The following DNAH8 variants were observed in gnomAD, a reference collection of about 807,000 sequenced individuals.
DNAH8 encodes the protein dynein axonemal heavy chain 8.
In DNAH8, 382 loss-of-function variants were observed where a neutral mutation model predicts 562.1. The ratio of observed to expected loss-of-function variants is 0.68; its 90% CI spans 0.63 to 0.74. DNAH8 has a LOEUF of 0.74. Ranked by LOEUF, DNAH8 falls within the 30% of genes least tolerant of loss-of-function variation. DNAH8 has a pLI of 0.00. For synonymous variants in DNAH8, 1,881 were observed against 1,919.4 expected, an observed-to-expected ratio of 0.98 and a Z score of 0.52; for missense variants, 5,203 against 5,620.4, an observed-to-expected ratio of 0.93 and a Z score of 2.37.
chr6:38,787,969 A>G (rs750727171), intron 18 of DNAH8, among the ~76,000 whole-genome samples: 71 of 152,152 alleles, frequency 4.7e-4, no homozygotes, highest in Non-Finnish European at 9.3e-4. Flanking sequence ...CAGTACAATT[A>G]GTAATAGCAA....
intron 24 of DNAH8, among the ~76,000 whole-genome samples, chr6:38,809,035 C>T (rs113984387): frequency 0.13 from 19,172 of 151,466 alleles, 1,453 homozygotes; most frequent in Admixed American, 0.22. Flanking sequence ...CATGTGTATA[C>T]CTATGTAACA....
rs1769746553 is a variant in DNAH8, at chr6:38,791,563, C to G, written c.2790C>G (p.Asp930Glu). 2.5e-6 allele frequency: 4 copies of G among 1,609,440 alleles called. No individual in the cohort carries two copies. In the East Asian group the frequency reaches 8.9e-5, roughly 36 times the overall value. Residue 930 changes from aspartate to glutamate, a missense_variant, in exon 21 of 93, where the codon GAC (aspartate) becomes GAG (glutamate). This residue lies in a region of DNAH8 where 2,176 missense variants were observed against 2,365.1 expected (regional missense o/e 0.92). Transcript: ENST00000327475. ...MFNQLLKKIS[D>E]LCEMHIDTVL... ...ATTTTTCTTCCTTGTAGATCAGTGA[C>G]TTGTGTGAAATGCATATTGATACAG...
chr6:38,965,065 AAAAATAAAAT>A (rs140369493), intron 82 of DNAH8, among the ~76,000 whole-genome samples: 10,027 of 144,522 alleles, frequency 0.069, 539 homozygotes, highest in African/African-American at 0.13. Context: ...TTCTGTCTCA[AAAAATAAAAT>A]AAAATAAAAT....
chr6:38,821,693 G>A (rs1401121511), intron 26 of DNAH8, among the ~76,000 whole-genome samples: 2 of 152,040 alleles, frequency 1.3e-5, no homozygotes, highest in Admixed American at 1.3e-4. Context: ...CCTCCAAGTA[G>A]ATGGGACTAC....
intron 88 of DNAH8, among the ~76,000 whole-genome samples, chr6:39,000,882 G>C (rs1765439328): frequency 6.6e-6 from 1 of 152,180 alleles, no homozygotes. Flanking sequence ...ATGTGCAGGA[G>C]TTTCTCAGAT....
intron 26 of DNAH8, among the ~76,000 whole-genome samples, chr6:38,819,469 A>G (rs144336487): frequency 7.2e-5 from 11 of 152,298 alleles, no homozygotes; most frequent in African/African-American, 2.6e-4. Flanking sequence ...CTGTAAGTAT[A>G]TTTCACTTAC....
At chr6:38,971,554 T>G in intron 82 of DNAH8, 38 bp from the exon 83 acceptor site, 1 of 1,272,296 alleles carries the variant, frequency 7.9e-7, no homozygotes, top group Admixed American at 2.3e-5. Context: ...GCTGTAAGAG[T>G]TGTGTTTCAT....
chr6:38,911,709 A>G, intron 66 of DNAH8, 123 bp downstream of exon 66: 2 of 674,954 alleles, frequency 3.0e-6, no homozygotes, highest in East Asian at 2.8e-5. Context: ...GTAGTAGATA[A>G]TTTTAAAGGA....
In DNAH8 at chr6:38,729,453, G is replaced by A. The variant is rs76852360; in HGVS notation, c.526-449G>A. On this transcript the variant is annotated intron_variant, in intron 3 of 92. Transcript: ENST00000327475. ...TGGAAGAATCTCAGTATGATAATGTGTTTTTACTTCAGTTTGGTACAATAC... is the reference window on the plus strand; with the variant it reads ...TGGAAGAATCTCAGTATGATAATGTATTTTTACTTCAGTTTGGTACAATAC... Among the ~76,000 whole-genome samples the A allele has an allele frequency of 1.9e-3, 291 of 152,284 alleles. 3 individuals carry two copies. Among genetic ancestry groups the A allele is most frequent in the African/African-American group, 6.8e-3 (282 of 41,560 alleles).
chr6:39,018,764 T>C (rs1254223980), intron 91 of DNAH8, among the ~76,000 whole-genome samples: 1 of 152,074 alleles, frequency 6.6e-6, no homozygotes, highest in Non-Finnish European at 1.5e-5. Context: ...CATGGTGTCA[T>C]GGAAGGCAAG....
chr6:38,885,237 CCAACACCTG>C (rs1330525486), intron 56 of DNAH8, among the ~76,000 whole-genome samples: 2 of 152,104 alleles, frequency 1.3e-5, no homozygotes, highest in Non-Finnish European at 2.9e-5. Flanking sequence ...CTTAACACCT[CCAACACCTG>C]CTCCTCCAAC....
intron 8 of DNAH8, among the ~76,000 whole-genome samples, chr6:38,748,643 C>G (rs1452234063): frequency 6.6e-6 from 1 of 151,854 alleles, no homozygotes; most frequent in Non-Finnish European, 1.5e-5. Flanking sequence ...AATCCCAGCA[C>G]TTTGCGAGGC....
chr6:39,018,788 G>T (rs1197925889), intron 91 of DNAH8, among the ~76,000 whole-genome samples: 1 of 152,162 alleles, frequency 6.6e-6, no homozygotes, highest in African/African-American at 2.4e-5. Flanking sequence ...AAGGAGAGTA[G>T]TAAGTAAGTA....
In DNAH8 at chr6:38,839,439, G is replaced by A. The variant is rs1255354803; in HGVS notation, c.4466+1397G>A. 2.6e-5 allele frequency among the ~76,000 whole-genome samples: 4 copies of A among 151,182 alleles called. No individual in the cohort carries two copies. In the East Asian group the frequency reaches 7.7e-4, roughly 29 times the overall value. On this transcript the variant is annotated intron_variant, in intron 33 of 92. Coordinates refer to ENST00000327475, the MANE Select transcript of DNAH8 (RefSeq NM_001206927.2). ...CTGGAGTGTAGTGGTGGAATCACTC[G>A]ACTTCCGTAGTTCAAGTGATCCTCC... is the stretch of plus-strand genomic sequence containing the variant.
chr6:38,826,434 T>A, intron 29 of DNAH8, 43 bp downstream of exon 29: 1 of 1,311,674 alleles, frequency 7.6e-7, no homozygotes, highest in Non-Finnish European at 1.1e-6. Flanking sequence ...TGCTTTTTTG[T>A]TTTTTAAAGA....
intron 83 of DNAH8, among the ~76,000 whole-genome samples, chr6:38,972,758 A>G (rs1030855447): frequency 1.3e-5 from 2 of 152,194 alleles, no homozygotes; most frequent in African/African-American, 4.8e-5. Context: ...GAGGGACACC[A>G]TGTTTAGCAT....
intron 8 of DNAH8, among the ~76,000 whole-genome samples, chr6:38,745,012 G>A (rs1764813269): frequency 6.6e-6 from 1 of 152,182 alleles, no homozygotes; most frequent in South Asian, 2.1e-4. Flanking sequence ...TGAAAAGAAT[G>A]CAAGGCCCAT....
chr6:38,759,723 C>T (rs78931935), intron 10 of DNAH8, among the ~76,000 whole-genome samples: 3,434 of 152,096 alleles, frequency 0.023, 119 homozygotes, highest in African/African-American at 0.076. Context: ...GGTTTTCATT[C>T]CCCCCAACCC....
At chr6:38,808,523 A>G (rs568519376) in intron 24 of DNAH8, among the ~76,000 whole-genome samples, 32 of 152,290 alleles carry the variant, frequency 2.1e-4, no homozygotes, top group Admixed American at 8.5e-4. Context: ...ACTGTGGAAG[A>G]CAGTGTGGCG....
Sources: gnomAD v4.1 joint callset for allele counts (sites outside exome capture counted in the v4.1 genomes callset) on GRCh38, gnomAD v4.1.1 for gene constraint, gnomAD v4.1.1 regional missense constraint, MANE v1.5 for transcripts, NCBI Gene and HGNC (gene_info 2026-07-23, HGNC 2026-07-21) for gene names.